Variants in LRRC37A2 observed in about 807,000 individuals in gnomAD.
LRRC37A2 encodes the protein leucine-rich repeat-containing protein 37A2.
A neutral mutation model predicts 68.8 loss-of-function variants in LRRC37A2; 9 were observed. The ratio of observed to expected loss-of-function variants is 0.13; its 90% CI spans 0.08 to 0.23. The LOEUF is 0.23. Among genes scored for constraint, LRRC37A2 ranks in the 10% least tolerant of loss-of-function variants. LRRC37A2 has a pLI of 1.00. For missense variants in LRRC37A2, 168 were observed against 950.4 expected, an observed-to-expected ratio of 0.18 and a Z score of 10.82; for synonymous variants, 63 against 367.6, an observed-to-expected ratio of 0.17 and a Z score of 9.48.
chr17:46,787,934 C>T, the LRRC37A2 span, among the ~76,000 whole-genome samples: 1 of 146,024 alleles, frequency 6.8e-6, no homozygotes, highest in Non-Finnish European at 1.5e-5. Flanking sequence ...CCAGCCTGGG[C>T]AACAGAGTGA....
the LRRC37A2 span, among the ~76,000 whole-genome samples, chr17:46,913,147 G>A: frequency 2.0e-5 from 3 of 152,202 alleles, no homozygotes; most frequent in Admixed American, 6.5e-5. Flanking sequence ...TGGCTCCACC[G>A]CTAAGGGCAG....
chr17:46,973,680 C>T, the LRRC37A2 span, among the ~76,000 whole-genome samples: 2 of 152,130 alleles, frequency 1.3e-5, no homozygotes, highest in African/African-American at 4.8e-5. Flanking sequence ...GGTTTGCTGT[C>T]CTGGACACCC....
chr17:46,601,279 G>GT, the LRRC37A2 span, among the ~76,000 whole-genome samples: 1 of 4,610 alleles, frequency 2.2e-4, no homozygotes, highest in Non-Finnish European at 4.1e-4. Flanking sequence ...ATAATTTTTC[G>GT]TTTTTTGGGG....
the LRRC37A2 span, chr17:46,932,300 G>T: frequency 1.4e-6 from 2 of 1,381,480 alleles, no homozygotes; most frequent in African/African-American, 1.4e-5. Context: ...GTCTGAAGAA[G>T]ACTGATGATG....
At chr17:46,953,072 G>A in the LRRC37A2 span, among the ~76,000 whole-genome samples, 2 of 151,706 alleles carry the variant, frequency 1.3e-5, no homozygotes. Flanking sequence ...TTTTACGTAA[G>A]TTTTAGGGTA....
At chr17:46,989,264 G>C in the LRRC37A2 span, among the ~76,000 whole-genome samples, 2 of 152,344 alleles carry the variant, frequency 1.3e-5, no homozygotes, top group African/African-American at 2.4e-5. Flanking sequence ...TTCAGGTCAG[G>C]ACAACTGCTG....
the LRRC37A2 span, among the ~76,000 whole-genome samples, chr17:46,946,551 T>TAA: frequency 6.6e-6 from 1 of 150,902 alleles, no homozygotes; most frequent in Admixed American, 6.6e-5. Flanking sequence ...TTGCAGCCCT[T>TAA]AAACAGAAAA....
chr17:47,006,133 T>C, the LRRC37A2 span, among the ~76,000 whole-genome samples: 2 of 151,630 alleles, frequency 1.3e-5, no homozygotes, highest in Non-Finnish European at 2.9e-5. Flanking sequence ...GATTGCACCA[T>C]TGCACTCCAG....
At chr17:46,935,566 A>G in the LRRC37A2 span, 5 of 1,177,088 alleles carry the variant, frequency 4.2e-6, no homozygotes, top group Admixed American at 8.5e-5. Context: ...TAGGACCCCT[A>G]CTGTGGACTG....
chr17:46,778,655 C>T, the LRRC37A2 span, among the ~76,000 whole-genome samples: 3 of 152,200 alleles, frequency 2.0e-5, no homozygotes, highest in African/African-American at 2.4e-5. Context: ...CACAGTGACT[C>T]TCATGCTCCT....
At chr17:46,940,992 A>G in the LRRC37A2 span, 1 of 1,169,586 alleles carries the variant, frequency 8.6e-7, no homozygotes, top group Admixed American at 3.9e-5. Context: ...AGGCCAGGGA[A>G]GGAGCACCCT....
chr17:46,836,095 C>CGTACGTGTGTGTGTGTGTGT, the LRRC37A2 span, among the ~76,000 whole-genome samples: 1 of 126,434 alleles, frequency 7.9e-6, no homozygotes, highest in African/African-American at 3.2e-5. Context: ...GAGACGCTGA[C>CGTACGTGTGTGTGTGTGTGT]GTGTGTGTGT....
At chr17:46,977,420 C>T in the LRRC37A2 span, among the ~76,000 whole-genome samples, 1 of 152,218 alleles carries the variant, frequency 6.6e-6, no homozygotes, top group African/African-American at 2.4e-5. Flanking sequence ...CCTCCAGTGT[C>T]CCCAGGTCCC....
the LRRC37A2 span, among the ~76,000 whole-genome samples, chr17:46,896,452 AAAAG>A: frequency 5.8e-4 from 38 of 65,880 alleles, no homozygotes; most frequent in Admixed American, 1.5e-3. Flanking sequence ...GAAAGAAAGA[AAAAG>A]AAAGAAAGAA....
At chr17:46,820,379 GGAGA>G in the LRRC37A2 span, among the ~76,000 whole-genome samples, 1 of 151,906 alleles carries the variant, frequency 6.6e-6, no homozygotes, top group Non-Finnish European at 1.5e-5. Context: ...TCCGAGAGGA[GGAGA>G]GAGAGAGAGG....
chr17:46,981,272 T>A, the LRRC37A2 span, among the ~76,000 whole-genome samples: 2 of 113,094 alleles, frequency 1.8e-5, no homozygotes, highest in South Asian at 5.7e-4. Flanking sequence ...TCTCCCCAAG[T>A]TCATCTGTTG....
chr17:46,919,580 C>T, the LRRC37A2 span, among the ~76,000 whole-genome samples: 1 of 152,088 alleles, frequency 6.6e-6, no homozygotes, highest in African/African-American at 2.4e-5. Flanking sequence ...CATTACTATC[C>T]TCTGATAGAT....
At chr17:46,496,617 A>AC in the LRRC37A2 span, among the ~76,000 whole-genome samples, 3 of 86,504 alleles carry the variant, frequency 3.5e-5, no homozygotes, top group Admixed American at 3.4e-4. Context: ...GAAAAAAAAA[A>AC]AAACAAAACA....
the LRRC37A2 span, chr17:46,978,307 A>G: frequency 5.9e-6 from 2 of 340,734 alleles, no homozygotes; most frequent in African/African-American, 2.2e-5. Context: ...CGTACACACA[A>G]AACTCCCACG....
Sources: gnomAD v4.1 joint callset for allele counts (sites outside exome capture counted in the v4.1 genomes callset) on GRCh38, gnomAD v4.1.1 for gene constraint, MANE v1.5 for transcripts, NCBI Gene and HGNC (gene_info 2026-07-23, HGNC 2026-07-21) for gene names.